HINFP: variants seen among roughly 807,000 people sequenced by gnomAD.
HINFP encodes the protein histone H4 transcription factor, also known as MBD2 (methyl-CpG-binding protein)-interacting zinc finger protein.
A neutral mutation model predicts 50.1 loss-of-function variants in HINFP; 20 were observed. That is an observed-to-expected ratio of 0.40 (90% CI 0.28 to 0.58). The LOEUF is 0.58. HINFP is among the 20% of genes least tolerant of loss of function. The pLI is 0.45. For synonymous variants in HINFP, 247 were observed against 243.7 expected, an observed-to-expected ratio of 1.01 and a Z score of -0.13; for missense variants, 505 against 664.1, an observed-to-expected ratio of 0.76 and a Z score of 2.63.
chr11:119,128,444 T>C (rs1365725701), intron 2 of HINFP, among the ~76,000 whole-genome samples: 1 of 151,824 alleles, frequency 6.6e-6, no homozygotes, highest in Admixed American at 6.6e-5. Context: ...TAGCTGGGAT[T>C]ACAGGTGCGT....
Position 119,129,506 on chromosome 11 carries a change from G to A in HINFP, c.182-1219G>A, listed in dbSNP as rs1422254672. On this transcript the variant is annotated intron_variant, in intron 2 of 9. Coordinates refer to ENST00000350777, the MANE Select transcript of HINFP (RefSeq NM_198971.3). ...TTTTCTTTTCTTTTTTTTTTTTTTT[G>A]TGGGAGTGCAGTGGCTCGATCTCCG... Among the ~76,000 whole-genome samples the A allele has an allele frequency of 2.3e-5, 2 of 86,010 alleles. 1 individual carries two copies. The highest frequency in any genetic ancestry group is 7.0e-4 in the East Asian group (2 of 2,866). The allele number at this position is 86,010 out of a possible 152,430, so 56.4% of individuals were successfully genotyped here.
chr11:119,131,856 A>G lies in HINFP; in HGVS notation c.550A>G (p.Ser184Gly), dbSNP rs760358154. The change falls in exon 5 of 10, where the codon AGT becomes GGT. Residue 184 changes from serine to glycine, a missense_variant. Ser to Gly is a moderately conservative substitution (Grantham distance 56). Coordinates refer to ENST00000350777, the MANE Select transcript of HINFP (RefSeq NM_198971.3). This position sits in a 1 kb window ranked among gnomAD's most constrained non-coding sequence, Gnocchi z 4.2. ...KGCTCTFKDR[S>G]KLREHLRSHT... ...CTGTACCTGCACCTTCAAGGACCGC[A>G]GTAAACTTCGAGAGCACCTCCGCAG... is the stretch of plus-strand genomic sequence containing the variant. The G allele has an allele frequency of 1.1e-5, 17 of 1,614,086 alleles. No homozygotes were observed. Among genetic ancestry groups the G allele is most frequent in the East Asian group, 4.5e-5 (2 of 44,896 alleles).
Position 119,132,218 on chromosome 11 carries a change from A to AG in HINFP, c.676+238dup, listed in dbSNP as rs957715642. The AG allele has an allele frequency of 6.5e-6, 4 of 618,034 alleles. No individual in the cohort carries two copies. The African/African-American group carries it at 7.4e-5, about 11-fold the overall frequency. The allele number at this position is 618,034 out of a possible 1,614,324, so 38.3% of individuals were successfully genotyped here. A position where few individuals can be genotyped will look rare whatever the true frequency, so the allele number is the denominator to read the frequency against. On this transcript the variant is annotated intron_variant, in intron 5 of 9. Transcript: ENST00000350777. ...AATCCTCACAACAGCCCCATGAGGT[A>AG]GGCTTCTTATCCCCCTTTTTGCAGA...
chr11:119,134,162 G>A lies in HINFP; in HGVS notation c.1218G>A (p.Leu406=). The change falls in exon 10 of 10, where the codon CTG becomes CTA. Residue 406 remains leucine (L), a synonymous_variant. Coordinates refer to ENST00000350777, the MANE Select transcript of HINFP (RefSeq NM_198971.3). This position sits in a 1 kb window ranked among gnomAD's most constrained non-coding sequence, Gnocchi z 4.3. ...GTGTAGAGCTGACACAGCAACTGCT[G>A]CGGCAACCACAAGAGGGATCGGGCC... ...YESVELTQQL[L]RQPQEGSGLG... is the part of the protein sequence containing the mutation. 1.2e-6 allele frequency: 2 copies of A among 1,613,996 alleles called. No individual in the cohort carries two copies. Among genetic ancestry groups the A allele is most frequent in the Non-Finnish European group, 1.7e-6 (2 of 1,179,992 alleles).
chr11:119,133,570 C>CT (rs1947900191), intron 9 of HINFP: 2 of 210,288 alleles, frequency 9.5e-6, no homozygotes, highest in Non-Finnish European at 1.9e-5. Context: ...CAGAGCGAGA[C>CT]TCCATCTCAA....
Position 119,127,091 on chromosome 11 carries a change from G to A in HINFP, c.147G>A (p.Glu49=), listed in dbSNP as rs769460841. 1.9e-6 allele frequency: 3 copies of A among 1,612,796 alleles called. No individual in the cohort carries two copies. Among genetic ancestry groups the A allele is most frequent in the Non-Finnish European group, 2.5e-6 (3 of 1,179,646 alleles). Residue 49 remains glutamate, a synonymous_variant, in exon 2 of 10, where the codon GAG becomes GAA. Coordinates refer to ENST00000350777, the MANE Select transcript of HINFP (RefSeq NM_198971.3). ...HLQQHLHGSG[E]EEEEEEEDDP... ...AGCAGCACCTGCATGGCTCTGGGGA[G>A]GAGGAGGAAGAGGAAGAGGAGGATG...
chr11:119,121,588 G>C lies in HINFP; in HGVS notation c.-62G>C, dbSNP rs1256884216. On this transcript the variant is annotated 5_prime_UTR_variant, in exon 1 of 10. Coordinates refer to ENST00000350777, the MANE Select transcript of HINFP (RefSeq NM_198971.3). The stretch of plus-strand genomic sequence containing the variant: ...TTGACCGTCCCTCAAGCGCCTCTCC[G>C]GAGATGGTCTGAGGTGGGAGAAGAG... 2 of 152,328 alleles carry C rather than the reference G, an allele frequency of 1.3e-5. No homozygotes were observed. Among genetic ancestry groups the C allele is most frequent in the South Asian group, 4.1e-4 (2 of 4,838 alleles). 9.4% of individuals were successfully genotyped at this position (152,328 alleles called of 1,614,324 possible). A position where few individuals can be genotyped will look rare whatever the true frequency, so the allele number is the denominator to read the frequency against.
At chr11:119,123,706 G>GATTTTTTT (rs1391582883) in intron 1 of HINFP, 6 of 74,162 alleles carry the variant, frequency 8.1e-5, no homozygotes, top group Non-Finnish European at 7.7e-5. Flanking sequence ...CACATCGGCT[G>GATTTTTTT]TTTTTTTTTT....
At chr11:119,121,838 A>G (rs907827141) in intron 1 of HINFP, 199 bp downstream of exon 1, 1 of 152,340 alleles carries the variant, frequency 6.6e-6, no homozygotes, top group African/African-American at 2.4e-5. Flanking sequence ...AGCGTGAAGG[A>G]TTCCGGGAAG....
At chr11:119,122,250 G>A (rs1273775660) in intron 1 of HINFP, among the ~76,000 whole-genome samples, 2 of 152,222 alleles carry the variant, frequency 1.3e-5, no homozygotes, top group African/African-American at 2.4e-5. Flanking sequence ...AGGACAGTCA[G>A]AGAGCGTCAG....
In HINFP at chr11:119,132,538, C is replaced by A. The variant is rs754166978; in HGVS notation, c.719C>A (p.Thr240Lys). The change falls in exon 6 of 10, where the codon ACA becomes AAA. Residue 240 changes from threonine (T) to lysine (K), a missense_variant. Physicochemically the swap from Thr to Lys is moderately conservative, Grantham distance 78. Transcript: ENST00000350777. ...QCSHCSKRFATERLLRDHMRN... is the reference protein window; with the variant it reads ...QCSHCSKRFAKERLLRDHMRN... ...TCTCACTGTTCCAAGAGATTTGCCA[C>A]AGAGCGGCTATTGCGGGACCACATG... The A allele has an allele frequency of 3.7e-6, 6 of 1,614,066 alleles. No homozygotes were observed. Among genetic ancestry groups the A allele is most frequent in the Non-Finnish European group, 5.1e-6 (6 of 1,180,046 alleles).
intron 1 of HINFP, chr11:119,126,000 C>T (rs1274088479): frequency 6.6e-6 from 1 of 152,256 alleles, no homozygotes; most frequent in Middle Eastern, 3.4e-3. Flanking sequence ...AGTGTGTGGC[C>T]GTGAGCAAGT....
chr11:119,132,385 T>G, intron 5 of HINFP, 111 bp from the exon 6 acceptor site: 1 of 1,012,376 alleles, frequency 9.9e-7, no homozygotes. Flanking sequence ...CTCCCTAAGC[T>G]CTCCTTTTCT....
At position 119,134,387 on chromosome 11, in the gene HINFP, T is replaced by C. The variant is rs770396918; in HGVS notation, c.1443T>C (p.Tyr481=). ...AAGGCCAGCAAGAGATCGTCTACTA[T>C]GTGCTGTCTGAAGCCCCAGGGGAGC... The part of the protein sequence containing the change: ...NAQGQQEIVY[Y]VLSEAPGEPP... Residue 481 remains tyrosine, a synonymous_variant, in exon 10 of 10, where the codon TAT becomes TAC. Coordinates refer to ENST00000350777, the MANE Select transcript of HINFP (RefSeq NM_198971.3). This position sits in a 1 kb window ranked among gnomAD's most constrained non-coding sequence, Gnocchi z 4.3. 1 of 1,614,180 alleles carries C rather than the reference T, an allele frequency of 6.2e-7. No homozygotes were observed. Among genetic ancestry groups the C allele is most frequent in the Non-Finnish European group, 8.5e-7 (1 of 1,179,980 alleles).
At position 119,132,734 on chromosome 11, in the gene HINFP, T is replaced by G; in HGVS notation, c.828T>G (p.Phe276Leu). 1.2e-6 allele frequency: 2 copies of G among 1,613,922 alleles called. No homozygotes were observed. The highest frequency in any genetic ancestry group is 1.7e-6 in the Non-Finnish European group (2 of 1,180,034). ...LPSSLRNHMRFRHSEDRPFKC... is the reference protein window; with the variant it reads ...LPSSLRNHMRLRHSEDRPFKC... Reference sequence around the variant, plus strand: ...CCTCCCTCCGCAACCACATGCGCTTTCGTCACAGTGAGGACCGGCCCTTTA... The same window carrying G: ...CCTCCCTCCGCAACCACATGCGCTTGCGTCACAGTGAGGACCGGCCCTTTA... The change falls in exon 7 of 10, where the codon TTT becomes TTG. Residue 276 changes from phenylalanine (F) to leucine (L), a missense_variant. Phe to Leu is a conservative substitution (Grantham distance 22). Coordinates refer to ENST00000350777, the MANE Select transcript of HINFP (RefSeq NM_198971.3).
At chr11:119,124,666 C>G (rs558671869) in intron 1 of HINFP, 2 of 152,258 alleles carry the variant, frequency 1.3e-5, no homozygotes, top group South Asian at 4.1e-4. Context: ...TAACTACATT[C>G]GTGTGCAGAT....
In HINFP at chr11:119,131,935, A is replaced by G; in HGVS notation, c.629A>G (p.Asn210Ser). ...ACPTCGGMFA[N>S]NTKFLDHIRR... ...CCCACCTGTGGGGGCATGTTTGCCA[A>G]CAATACCAAGTTCTTAGATCACATC... The change falls in exon 5 of 10, where the codon AAC (asparagine) becomes AGC (serine). Residue 210 changes from asparagine to serine, a missense_variant. Coordinates refer to ENST00000350777, the MANE Select transcript of HINFP (RefSeq NM_198971.3). This position sits in a 1 kb window ranked among gnomAD's most constrained non-coding sequence, Gnocchi z 4.2. 6.2e-7 allele frequency: 1 copy of G among 1,614,096 alleles called. No homozygotes were observed. The highest frequency in any genetic ancestry group is 1.1e-5 in the South Asian group (1 of 91,080).
chr11:119,128,554 C>T (rs1012811871), intron 2 of HINFP, among the ~76,000 whole-genome samples: 6 of 151,000 alleles, frequency 4.0e-5, no homozygotes, highest in African/African-American at 1.5e-4. Flanking sequence ...TCTTGAACTC[C>T]TGACCTCAGG....
Position 119,127,109 on chromosome 11 carries a change from G to C in HINFP, c.165G>C (p.Glu55Asp), listed in dbSNP as rs1372792710. Residue 55 changes from glutamate (E) to aspartate (D), a missense_variant, in exon 2 of 10, where the codon GAG becomes GAC. By Grantham distance (45) the Glu-to-Asp change is conservative. Transcript: ENST00000350777. ...HGSGEEEEEE[E>D]EDDPLEEEFS... is the part of the protein sequence containing the mutation. Reference sequence around the variant, plus strand: ...CTGGGGAGGAGGAGGAAGAGGAAGAGGAGGATGACCCACTTGGTAAGAGAG... The same window carrying C: ...CTGGGGAGGAGGAGGAAGAGGAAGACGAGGATGACCCACTTGGTAAGAGAG... 1 of 1,611,982 alleles carries C rather than the reference G, an allele frequency of 6.2e-7. No individual in the cohort carries two copies. The highest frequency in any genetic ancestry group is 1.1e-5 in the South Asian group (1 of 90,902).
Sources: gnomAD v4.1 joint callset for allele counts (sites outside exome capture counted in the v4.1 genomes callset) on GRCh38, gnomAD v4.1.1 for gene constraint, Gnocchi (gnomAD v3.1) non-coding constraint, MANE v1.5 for transcripts, NCBI Gene and HGNC (gene_info 2026-07-23, HGNC 2026-07-21) for gene names.